Variants in KPNA1 observed in about 807,000 individuals in gnomAD.
KPNA1 encodes importin subunit alpha-5.
In KPNA1, 10 loss-of-function variants were observed where a neutral mutation model predicts 70.5. That is an observed-to-expected ratio of 0.14 (90% confidence interval 0.09 to 0.24). The LOEUF is 0.24. KPNA1 is among the 10% of genes least tolerant of loss of function. The probability of loss-of-function intolerance (pLI) is 1.00; values close to 1 mark genes in which losing one functional copy is unlikely to be tolerated. For missense variants in KPNA1, 397 were observed against 637.9 expected, an observed-to-expected ratio of 0.62 and a Z score of 4.07; for synonymous variants, 192 against 221.9, an observed-to-expected ratio of 0.87 and a Z score of 1.20.
At chr3:122,488,655 G>C (rs192442000) in intron 2 of KPNA1, among the ~76,000 whole-genome samples, 1 of 152,290 alleles carries the variant, frequency 6.6e-6, no homozygotes, top group Non-Finnish European at 1.5e-5. Flanking sequence ...GCAACGTCTG[G>C]GGGTGAAGAA....
chr3:122,477,180 A>T, intron 2 of KPNA1, among the ~76,000 whole-genome samples: 1 of 152,180 alleles, frequency 6.6e-6, no homozygotes, highest in East Asian at 1.9e-4. Flanking sequence ...ATACAGAAAG[A>T]CCACATAAGC....
chr3:122,463,289 A>G (rs1262471871), intron 4 of KPNA1, among the ~76,000 whole-genome samples: 1 of 151,768 alleles, frequency 6.6e-6, no homozygotes, highest in African/African-American at 2.4e-5. Context: ...CGGCGCTTGC[A>G]GTGAGCCGAG....
chr3:122,511,980 TAAAGGGA>T (rs151138421), intron 1 of KPNA1, among the ~76,000 whole-genome samples: 6 of 151,604 alleles, frequency 4.0e-5, no homozygotes, highest in South Asian at 2.1e-4. Flanking sequence ...TTCTCAAATG[TAAAGGGA>T]AAAGGGAAAA....
At chr3:122,432,089 G>A (rs548396139) in intron 12 of KPNA1, among the ~76,000 whole-genome samples, 56 of 152,142 alleles carry the variant, frequency 3.7e-4, no homozygotes, top group African/African-American at 1.2e-3. Flanking sequence ...GACATGAGCC[G>A]CTGCACCCGG....
intron 2 of KPNA1, among the ~76,000 whole-genome samples, chr3:122,473,866 CAAGAA>C (rs2076469704): frequency 6.6e-6 from 1 of 151,864 alleles, no homozygotes; most frequent in Non-Finnish European, 1.5e-5. Context: ...TGCAGTAAGA[CAAGAA>C]AAGGGAAAAA....
intron 1 of KPNA1, among the ~76,000 whole-genome samples, chr3:122,513,663 AG>A (rs1241696363): frequency 6.6e-6 from 1 of 151,628 alleles, no homozygotes; most frequent in Non-Finnish European, 1.5e-5. Flanking sequence ...ACAAAACAGG[AG>A]GGGGGAAATC....
chr3:122,505,921 C>G (rs577255152), intron 1 of KPNA1, among the ~76,000 whole-genome samples: 12 of 152,238 alleles, frequency 7.9e-5, no homozygotes, highest in Non-Finnish European at 1.5e-4. Flanking sequence ...TCATCCTACA[C>G]AGCCCTCAGA....
At chr3:122,477,382 A>T (rs993754371) in intron 2 of KPNA1, among the ~76,000 whole-genome samples, 1 of 152,184 alleles carries the variant, frequency 6.6e-6, no homozygotes, top group African/African-American at 2.4e-5. Flanking sequence ...TCATAACAGT[A>T]TATTGTACAT....
chr3:122,465,285 AG>A (rs1049472422), intron 3 of KPNA1, among the ~76,000 whole-genome samples: 1 of 152,228 alleles, frequency 6.6e-6, no homozygotes, highest in African/African-American at 2.4e-5. Context: ...GAAAATATTA[AG>A]TAAAAAGTAC....
At chr3:122,464,324 G>A in intron 3 of KPNA1, 1 of 279,902 alleles carries the variant, frequency 3.6e-6, no homozygotes, top group African/African-American at 2.2e-5. Context: ...CACATAGCTG[G>A]CTATTCTTTC....
At chr3:122,435,614 G>A (rs775817420) in intron 11 of KPNA1, among the ~76,000 whole-genome samples, 140 of 152,322 alleles carry the variant, frequency 9.2e-4, no homozygotes, top group South Asian at 2.7e-3. Context: ...AAGCCTGGCA[G>A]AAGGACATAA....
intron 2 of KPNA1, among the ~76,000 whole-genome samples, chr3:122,483,735 C>A (rs1180219475): frequency 2.0e-5 from 3 of 152,108 alleles, no homozygotes; most frequent in Admixed American, 2.0e-4. Flanking sequence ...CACCTCATCC[C>A]ATTTTTTAAG....
intron 2 of KPNA1, among the ~76,000 whole-genome samples, chr3:122,493,293 A>C (rs2076720097): frequency 6.6e-6 from 1 of 152,152 alleles, no homozygotes; most frequent in Admixed American, 6.5e-5. Flanking sequence ...AAAATAGTAG[A>C]ATCAGGCCTT....
intron 2 of KPNA1, among the ~76,000 whole-genome samples, chr3:122,475,067 G>C (rs1454760337): frequency 6.6e-6 from 1 of 152,174 alleles, no homozygotes; most frequent in Non-Finnish European, 1.5e-5. Flanking sequence ...AAATGAAATT[G>C]TCCCTGATTG....
In KPNA1 at chr3:122,496,543, T is replaced by C. The variant is rs2107498765; in HGVS notation, c.23A>G (p.Asn8Ser). 3.7e-6 allele frequency: 6 copies of C among 1,613,944 alleles called. No homozygotes were observed. The highest frequency in any genetic ancestry group is 3.3e-4 in the Middle Eastern group (2 of 6,060). ...GTTCTTGTAACTTTTCAGGCGAAAG[T>C]TCTCTTTTCCTGGGGTGGTCATGAT... MTTPGKE[N>S]FRLKSYKNKS... The change falls in exon 2 of 14, where the codon AAC (asparagine) becomes AGC (serine). Residue 8 changes from asparagine to serine, a missense_variant. Asn to Ser is a conservative substitution (Grantham distance 46, BLOSUM62 1). Coordinates refer to ENST00000344337, the MANE Select transcript of KPNA1 (RefSeq NM_002264.4).
Position 122,421,957 on chromosome 3 carries a change from C to A in KPNA1, c.*5028G>T, listed in dbSNP as rs2075769932. On this transcript the variant is annotated 3_prime_UTR_variant, in exon 14 of 14. Coordinates refer to ENST00000344337, the MANE Select transcript of KPNA1 (RefSeq NM_002264.4). ...TCACAAAGATGCATGCATATTCCTT[C>A]ATTTAGTATTTATTGAATGTCTACT... 6.6e-6 allele frequency: 1 copy of A among 152,222 alleles called. No individual in the cohort carries two copies. The highest frequency in any genetic ancestry group is 1.5e-5 in the Non-Finnish European group (1 of 68,052). 9.4% of individuals were successfully genotyped at this position (152,222 alleles called of 1,614,324 possible).
At chr3:122,463,910 GA>G in intron 4 of KPNA1, 31 bp downstream of exon 4, 5 of 1,240,976 alleles carry the variant, frequency 4.0e-6, no homozygotes, top group South Asian at 2.7e-5. Context: ...GTAGAGAGAT[GA>G]AAAAATATAC....
At chr3:122,436,392 G>A (rs1025921663) in intron 11 of KPNA1, among the ~76,000 whole-genome samples, 4 of 152,130 alleles carry the variant, frequency 2.6e-5, no homozygotes, top group East Asian at 1.9e-4. Context: ...CAACCTATTC[G>A]TACACTCCCT....
intron 9 of KPNA1, among the ~76,000 whole-genome samples, chr3:122,446,122 AGG>A (rs2076134159): frequency 1.3e-5 from 2 of 152,328 alleles, no homozygotes; most frequent in Non-Finnish European, 2.9e-5. Flanking sequence ...ACACGACAGA[AGG>A]TTAACAAGGA....
Sources: allele counts gnomAD v4.1 joint callset (sites outside exome capture counted in the v4.1 genomes callset), GRCh38; gene constraint gnomAD v4.1.1; transcripts MANE v1.5; gene names NCBI Gene and HGNC (gene_info 2026-07-23, HGNC 2026-07-21).